Variants in CNTN1 observed in about 807,000 individuals in gnomAD.
CNTN1 encodes the protein contactin 1, also known as contactin-1.
CNTN1 carries 38 observed loss-of-function variants against 126.4 expected under a neutral mutation model. The ratio of observed to expected loss-of-function variants is 0.30; its 90% CI spans 0.23 to 0.39. The LOEUF (loss-of-function observed/expected upper bound fraction) is 0.39, where lower values mean the gene tolerates loss of function less well. Among genes scored for constraint, CNTN1 ranks in the 10% least tolerant of loss-of-function variants. The pLI, the probability that CNTN1 is intolerant of heterozygous loss-of-function variation, is 1.00. For synonymous variants in CNTN1, 413 were observed against 422.6 expected, an observed-to-expected ratio of 0.98 and a Z score of 0.28; for missense variants, 1,009 against 1,248.4, an observed-to-expected ratio of 0.81 and a Z score of 2.89.
At chr12:41,015,134 A>G (rs762469075) in intron 18 of CNTN1, among the ~76,000 whole-genome samples, 6 of 152,108 alleles carry the variant, frequency 3.9e-5, no homozygotes, top group Non-Finnish European at 5.9e-5. Flanking sequence ...AACTTGACTC[A>G]CTGTGTGCTT....
intron 1 of CNTN1, among the ~76,000 whole-genome samples, chr12:40,819,889 C>A (rs1941390787): frequency 6.6e-6 from 1 of 152,160 alleles, no homozygotes; most frequent in Non-Finnish European, 1.5e-5. Context: ...TCACTCACCA[C>A]CTCTCTTGGC....
intron 1 of CNTN1, among the ~76,000 whole-genome samples, chr12:40,781,965 C>T (rs1471731023): frequency 6.6e-6 from 1 of 151,932 alleles, no homozygotes; most frequent in Non-Finnish European, 1.5e-5. Context: ...TCTCTTCCTA[C>T]TATTAATTTT....
rs1241587781 is a variant in CNTN1 at position 40,887,869 on chromosome 12, A to G, written c.-76-20488A>G. Among the ~76,000 whole-genome samples the G allele has an allele frequency of 3.3e-5, 5 of 152,188 alleles. No homozygotes were observed. In the East Asian group the frequency reaches 7.7e-4, roughly 24 times the overall value. ...ATGAGTTCATGTCCTTTGTGGGGAC[A>G]TGGATGAAACTGGAAATCATCATTC... On this transcript the variant is annotated intron_variant, in intron 1 of 23. Transcript: ENST00000551295.
chr12:40,884,974 CTT>C (rs372060152), intron 1 of CNTN1, among the ~76,000 whole-genome samples: 164 of 151,678 alleles, frequency 1.1e-3, no homozygotes, highest in African/African-American at 3.7e-3. Flanking sequence ...TATATTTTGA[CTT>C]TTAATTCATC....
At chr12:41,066,259 G>A (rs1950047541) in intron 23 of CNTN1, among the ~76,000 whole-genome samples, 1 of 152,102 alleles carries the variant, frequency 6.6e-6, no homozygotes, top group South Asian at 2.1e-4. Flanking sequence ...ATCATAGGAA[G>A]GTATAACCCC....
rs751125178 is a variant in CNTN1, at chr12:41,029,085, A to G, written c.2846A>G (p.Gln949Arg). ...AAGGTACTCTACAGACCTGATGGCC[A>G]GCATGATGGCAAGCTGTATTCAACT... The part of the protein sequence containing the change: ...GYKVLYRPDG[Q>R]HDGKLYSTHK... Residue 949 changes from glutamine (Q) to arginine (R), a missense_variant, in exon 23 of 24, where the codon CAG (glutamine) becomes CGG (arginine). Coordinates refer to ENST00000551295, the MANE Select transcript of CNTN1 (RefSeq NM_001843.4). 6.2e-7 allele frequency: 1 copy of G among 1,614,122 alleles called. No individual in the cohort carries two copies. Among genetic ancestry groups the G allele is most frequent in the Non-Finnish European group, 8.5e-7 (1 of 1,179,990 alleles).
chr12:40,794,427 A>G (rs1940332969), intron 1 of CNTN1, among the ~76,000 whole-genome samples: 1 of 143,206 alleles, frequency 7.0e-6, no homozygotes, highest in African/African-American at 2.6e-5. Context: ...TGAATTTAAT[A>G]ATGAATAACT....
intron 15 of CNTN1, among the ~76,000 whole-genome samples, chr12:40,970,744 A>G (rs1947479867): frequency 6.6e-6 from 1 of 152,168 alleles, no homozygotes; most frequent in Admixed American, 6.6e-5. Context: ...GTGATCTAAA[A>G]GCTGTGGCCT....
intron 1 of CNTN1, among the ~76,000 whole-genome samples, chr12:40,809,874 G>A (rs73116749): frequency 0.023 from 3,431 of 150,284 alleles, 127 homozygotes; most frequent in African/African-American, 0.078. Context: ...ATTTGTAAAT[G>A]ACTCTATATA....
intron 1 of CNTN1, among the ~76,000 whole-genome samples, chr12:40,753,041 T>C (rs1938463036): frequency 6.6e-6 from 1 of 152,110 alleles, no homozygotes; most frequent in African/African-American, 2.4e-5. Flanking sequence ...TCACATATGG[T>C]AGTGGTAGTT....
At chr12:40,883,890 A>C (rs1316221609) in intron 1 of CNTN1, among the ~76,000 whole-genome samples, 1 of 151,652 alleles carries the variant, frequency 6.6e-6, no homozygotes, top group African/African-American at 2.4e-5. Context: ...AAATGCACTT[A>C]AATACAATAA....
At chr12:40,766,258 G>A (rs553929094) in intron 1 of CNTN1, among the ~76,000 whole-genome samples, 1 of 151,812 alleles carries the variant, frequency 6.6e-6, no homozygotes, top group African/African-American at 2.4e-5. Context: ...TTGGGAAGCT[G>A]AGGCAGGAGA....
chr12:40,941,780 C>A (rs796732654), intron 12 of CNTN1, among the ~76,000 whole-genome samples: 3 of 151,872 alleles, frequency 2.0e-5, no homozygotes, highest in Non-Finnish European at 2.9e-5. Flanking sequence ...GGTTAAAGAC[C>A]AGATTGTTCC....
At chr12:40,984,500 G>A (rs1947904809) in intron 16 of CNTN1, among the ~76,000 whole-genome samples, 1 of 152,190 alleles carries the variant, frequency 6.6e-6, no homozygotes, top group Admixed American at 6.6e-5. Flanking sequence ...GAGAGAGGGA[G>A]CAACAAAGAG....
intron 9 of CNTN1, among the ~76,000 whole-genome samples, chr12:40,936,222 T>C (rs1163522484): frequency 6.6e-6 from 1 of 152,112 alleles, no homozygotes; most frequent in African/African-American, 2.4e-5. Context: ...AATGCATGGA[T>C]TTCACCAATC....
At chr12:40,955,296 C>T (rs532170600) in intron 14 of CNTN1, among the ~76,000 whole-genome samples, 1 of 152,168 alleles carries the variant, frequency 6.6e-6, no homozygotes, top group Admixed American at 6.6e-5. Context: ...CAAGACCTCT[C>T]TTTGGGCAAG....
At chr12:40,776,528 C>T (rs1468186072) in intron 1 of CNTN1, among the ~76,000 whole-genome samples, 7 of 151,496 alleles carry the variant, frequency 4.6e-5, no homozygotes, top group Admixed American at 2.0e-4. Flanking sequence ...TTTTGAATTG[C>T]TCCTTTTTTC....
In CNTN1 at chr12:40,926,772, T is replaced by C. The variant is rs141158042; in HGVS notation, c.496+2120T>C. On this transcript the variant is annotated intron_variant, in intron 6 of 23. Coordinates refer to ENST00000551295, the MANE Select transcript of CNTN1 (RefSeq NM_001843.4). Reference sequence around the variant, plus strand: ...AAAATAGAATATACTAAATTCTATATAGAAATCTAGGTATACTTTGGTTAA... The same window carrying C: ...AAAATAGAATATACTAAATTCTATACAGAAATCTAGGTATACTTTGGTTAA... Among the ~76,000 whole-genome samples the C allele has an allele frequency of 1.4e-3, 214 of 152,244 alleles. 1 individual carries two copies. The highest frequency in any genetic ancestry group is 5.1e-3 in the African/African-American group (210 of 41,560).
At chr12:41,031,013 C>A (rs905876165) in intron 23 of CNTN1, among the ~76,000 whole-genome samples, 3 of 152,070 alleles carry the variant, frequency 2.0e-5, no homozygotes, top group Admixed American at 2.0e-4. Flanking sequence ...TGCTCTTGAA[C>A]CCTGGGCCTT....
Sources: allele counts gnomAD v4.1 joint callset (sites outside exome capture counted in the v4.1 genomes callset), GRCh38; gene constraint gnomAD v4.1.1; transcripts MANE v1.5; gene names NCBI Gene and HGNC (gene_info 2026-07-23, HGNC 2026-07-21).